The following ADAM17 variants were observed in gnomAD, a reference collection of about 807,000 sequenced individuals.
ADAM17 encodes the protein disintegrin and metalloproteinase domain-containing protein 17.
In ADAM17, 39 loss-of-function variants were observed where a neutral mutation model predicts 96.7. The ratio of observed to expected loss-of-function variants is 0.40; its 90% CI spans 0.31 to 0.53. The LOEUF is 0.53. ADAM17 is among the 20% of genes least tolerant of loss of function. The pLI, the probability that ADAM17 is intolerant of heterozygous loss-of-function variation, is 0.44. For synonymous variants in ADAM17, 344 were observed against 359.2 expected (o/e 0.96, Z 0.48); for missense variants, 777 against 1,013.2 (o/e 0.77, Z 3.17).
chr2:9,529,873 A>G (rs1220440981), intron 4 of ADAM17, among the ~76,000 whole-genome samples: 1 of 152,012 alleles, frequency 6.6e-6, no homozygotes, highest in Non-Finnish European at 1.5e-5. Context: ...CAACAGGCTG[A>G]GGCCACAGAA....
chr2:9,533,807 G>T (rs1031417689), intron 4 of ADAM17, among the ~76,000 whole-genome samples: 2 of 152,096 alleles, frequency 1.3e-5, no homozygotes, highest in Non-Finnish European at 2.9e-5. Flanking sequence ...GAGGACATGT[G>T]TCCAAAAGTC....
rs1661861806 is a variant in ADAM17 at position 9,489,184 on chromosome 2, C to G, written c.*993G>C. 1 of 149,854 alleles carries G rather than the reference C, an allele frequency of 6.7e-6. No individual in the cohort carries two copies. The highest frequency in any genetic ancestry group is 2.5e-5 in the African/African-American group (1 of 40,374). 9.3% of individuals were successfully genotyped at this position (149,854 alleles called of 1,614,324 possible). A position where few individuals can be genotyped will look rare whatever the true frequency, so the allele number is the denominator to read the frequency against. The stretch of plus-strand genomic sequence containing the variant: ...TGTTGTTGTTGTTGTTAAGAAATAT[C>G]TCACCCTCTTATTCAATAGTGTTTG... On this transcript the variant is annotated 3_prime_UTR_variant, in exon 19 of 19. Coordinates refer to ENST00000310823, the MANE Select transcript of ADAM17 (RefSeq NM_003183.6).
chr2:9,533,644 T>C (rs746247877), intron 4 of ADAM17, among the ~76,000 whole-genome samples: 2 of 152,248 alleles, frequency 1.3e-5, no homozygotes, highest in Non-Finnish European at 2.9e-5. Flanking sequence ...TTTCTCTTTC[T>C]GAGCTCAAAT....
intron 2 of ADAM17, among the ~76,000 whole-genome samples, chr2:9,538,119 A>G (rs57339087): frequency 0.18 from 27,998 of 151,966 alleles, 2,719 homozygotes; most frequent in Middle Eastern, 0.29. Context: ...TTTGTTTTCT[A>G]TGACTTTCCA....
At chr2:9,541,595 T>C (rs747930959) in intron 2 of ADAM17, among the ~76,000 whole-genome samples, 13 of 152,094 alleles carry the variant, frequency 8.5e-5, no homozygotes, top group South Asian at 4.1e-4. Flanking sequence ...AAACAAAAAA[T>C]TGGAAGTTTA....
rs117645314 is a variant in ADAM17 at position 9,504,593 on chromosome 2, C to T, written c.1544+573G>A. Among the ~76,000 whole-genome samples the T allele has an allele frequency of 9.1e-3, 1,381 of 151,954 alleles. 59 individuals are homozygous for T. The East Asian group carries it at 0.099, about 11-fold the overall frequency. On this transcript the variant is annotated intron_variant, in intron 12 of 18. Coordinates refer to ENST00000310823, the MANE Select transcript of ADAM17 (RefSeq NM_003183.6). ...CATCCTGGCCACCGTAGTGAAACCT[C>T]GTCTCTACTAATACAAAAAATTAGC...
chr2:9,491,980 C>T (rs1662187987), intron 17 of ADAM17, among the ~76,000 whole-genome samples: 1 of 152,228 alleles, frequency 6.6e-6, no homozygotes, highest in Admixed American at 6.5e-5. Flanking sequence ...AAGCACGTCA[C>T]CTTCAGCTTT....
chr2:9,493,844 C>G lies in ADAM17; in HGVS notation c.1915-19G>C. ...ATTTGCCCTATGAAGAAAAAACATACATACAGCATCATTCCCAAACACAAT... is the reference window on the plus strand; with the variant it reads ...ATTTGCCCTATGAAGAAAAAACATAGATACAGCATCATTCCCAAACACAAT... On this transcript the variant is annotated intron_variant, in intron 15 of 18. Transcript: ENST00000310823. 6.3e-7 allele frequency: 1 copy of G among 1,588,570 alleles called. No individual in the cohort carries two copies. The highest frequency in any genetic ancestry group is 8.6e-7 in the Non-Finnish European group (1 of 1,157,364).
At chr2:9,508,343 G>A (rs1312284726) in intron 11 of ADAM17, among the ~76,000 whole-genome samples, 1 of 152,126 alleles carries the variant, frequency 6.6e-6, no homozygotes, top group Admixed American at 6.5e-5. Context: ...ATCAACTTAT[G>A]ACTTCACAGC....
At chr2:9,523,194 C>T in intron 7 of ADAM17, 55 bp downstream of exon 7, 1 of 1,357,690 alleles carries the variant, frequency 7.4e-7, no homozygotes, top group Non-Finnish European at 1.0e-6. Context: ...ATACAAGTGA[C>T]AAATATTTAC....
chr2:9,517,825 T>A (rs1463164426), intron 10 of ADAM17, 76 bp downstream of exon 10: 2 of 969,150 alleles, frequency 2.1e-6, no homozygotes, highest in East Asian at 3.0e-5. Context: ...TTTAAAAAAA[T>A]ACCTACATAA....
At position 9,497,125 on chromosome 2, in the gene ADAM17, C is replaced by A; in HGVS notation, c.1772G>T (p.Cys591Phe). Residue 591 changes from cysteine to phenylalanine, a missense_variant, in exon 14 of 19, where the codon TGT (cysteine) becomes TTT (phenylalanine). Coordinates refer to ENST00000310823, the MANE Select transcript of ADAM17 (RefSeq NM_003183.6). The stretch of plus-strand genomic sequence containing the variant: ...ATAAAACTGCTCACCATTACATGCA[C>A]AGGACTCCAGCTGCTGTTCCCTCTC... ...FCEREQQLESCACNETDNSCK... is the reference protein window; with the variant it reads ...FCEREQQLESFACNETDNSCK... 1 of 1,613,992 alleles carries A rather than the reference C, an allele frequency of 6.2e-7. No individual in the cohort carries two copies. Among genetic ancestry groups the A allele is most frequent in the East Asian group, 2.2e-5 (1 of 44,870 alleles).
At chr2:9,510,315 T>G (rs1663664882) in intron 10 of ADAM17, among the ~76,000 whole-genome samples, 184 bp from the exon 11 acceptor site, 1 of 152,086 alleles carries the variant, frequency 6.6e-6, no homozygotes. Flanking sequence ...CTCTAGGAGT[T>G]TGAGGCCAGC....
At chr2:9,545,732 T>C (rs552912510) in intron 1 of ADAM17, among the ~76,000 whole-genome samples, 125 of 152,310 alleles carry the variant, frequency 8.2e-4, no homozygotes, top group African/African-American at 2.9e-3. Context: ...AATGGTTGGA[T>C]GTTGTAACAC....
intron 12 of ADAM17, 74 bp from the exon 13 acceptor site, chr2:9,502,350 G>T (rs913662196): frequency 3.2e-6 from 4 of 1,265,518 alleles, no homozygotes; most frequent in Non-Finnish European, 3.4e-6. Context: ...CTACAGTTAC[G>T]TTACAGTGAC....
At chr2:9,524,830 C>T (rs1664452371) in intron 6 of ADAM17, among the ~76,000 whole-genome samples, 1 of 152,168 alleles carries the variant, frequency 6.6e-6, no homozygotes, top group Non-Finnish European at 1.5e-5. Flanking sequence ...AGGAAAATGA[C>T]ATGAGAAAGA....
In ADAM17 at chr2:9,490,537, A is replaced by AATTG. The variant is rs761385025; in HGVS notation, c.2134-23_2134-20dup. 7.9e-5 allele frequency: 127 copies of AATTG among 1,599,312 alleles called. No homozygotes were observed. Among genetic ancestry groups the AATTG allele is most frequent in the African/African-American group, 7.1e-4 (53 of 74,664 alleles). On this transcript the variant is annotated intron_variant, in intron 18 of 18. Coordinates refer to ENST00000310823, the MANE Select transcript of ADAM17 (RefSeq NM_003183.6). ...CGACGTTCTGCAAAGACATGGGTTC[A>AATTG]ATTGATTGATAGGAATAAAAGATGA...
chr2:9,537,164 T>A (rs1664990480), intron 2 of ADAM17, among the ~76,000 whole-genome samples: 1 of 152,202 alleles, frequency 6.6e-6, no homozygotes, highest in Non-Finnish European at 1.5e-5. Context: ...TCTAAAAAAA[T>A]TATTATCAAA....
chr2:9,496,321 C>T lies in ADAM17; in HGVS notation c.1783+793G>A, dbSNP rs142044746. 7.3e-3 allele frequency: 1,113 copies of T among 151,682 alleles called. 9 individuals carry two copies. The highest frequency in any genetic ancestry group is 0.025 in the African/African-American group (1,043 of 41,328). The allele number at this position is 151,682 out of a possible 1,614,324, so 9.4% of individuals were successfully genotyped here. On this transcript the variant is annotated intron_variant, in intron 14 of 18. Coordinates refer to ENST00000310823, the MANE Select transcript of ADAM17 (RefSeq NM_003183.6). ...TTTTTTTTATTTTTAGTAGAGACAGCGTTTTGCCATGTTGACCAAGCTGCT... is the reference window on the plus strand; with the variant it reads ...TTTTTTTTATTTTTAGTAGAGACAGTGTTTTGCCATGTTGACCAAGCTGCT...
Sources: gnomAD v4.1 joint callset for allele counts (sites outside exome capture counted in the v4.1 genomes callset) on GRCh38, gnomAD v4.1.1 for gene constraint, MANE v1.5 for transcripts, NCBI Gene and HGNC (gene_info 2026-07-23, HGNC 2026-07-21) for gene names.